The following EXPH5 variants were observed in gnomAD, a reference collection of about 807,000 sequenced individuals.
EXPH5 encodes the protein exophilin 5.
EXPH5 carries 42 observed loss-of-function variants against 41.1 expected under a neutral mutation model. The ratio of observed to expected loss-of-function variants is 1.02; its 90% CI spans 0.80 to 1.32. The LOEUF (loss-of-function observed/expected upper bound fraction) is 1.32, where lower values mean the gene tolerates loss of function less well. Ranked by LOEUF, EXPH5 falls within the 40% of genes most tolerant of loss-of-function variation. The probability of loss-of-function intolerance (pLI) is 0.00; values close to 1 mark genes in which losing one functional copy is unlikely to be tolerated. For synonymous variants in EXPH5, 798 were observed against 833.5 expected (o/e 0.96, Z 0.73); for missense variants, 2,298 against 2,314.5 (o/e 0.99, Z 0.15).
In EXPH5 at chr11:108,512,940, G is replaced by A. The variant is rs756396084; in HGVS notation, c.2567C>T (p.Thr856Ile). The A allele has an allele frequency of 1.2e-6, 2 of 1,613,048 alleles. No homozygotes were observed. Among genetic ancestry groups the A allele is most frequent in the Admixed American group, 3.3e-5 (2 of 59,910 alleles). The change falls in exon 6 of 6, where the codon ACT becomes ATT. Residue 856 changes from threonine to isoleucine, a missense_variant. Physicochemically the swap from Thr to Ile is moderately conservative, Grantham distance 89. Transcript: ENST00000265843. Reference sequence around the variant, plus strand: ...GCATTTTGAGTATTGTGCATTTTGAGTATCAGTCAGTGCAGAGCTCCAGTG... The same window carrying A: ...GCATTTTGAGTATTGTGCATTTTGAATATCAGTCAGTGCAGAGCTCCAGTG... ...NNHWSSALTD[T>I]QNAQYSKCKL... is the part of the protein sequence containing the mutation.
At chr11:108,530,562 C>T (rs918992996) in intron 3 of EXPH5, among the ~76,000 whole-genome samples, 1 of 152,174 alleles carries the variant, frequency 6.6e-6, no homozygotes, top group Admixed American at 6.5e-5. Context: ...GCAAGTAATC[C>T]AATATGCCTG....
At chr11:108,583,251 G>T (rs542515664) in intron 1 of EXPH5, among the ~76,000 whole-genome samples, 1 of 151,476 alleles carries the variant, frequency 6.6e-6, no homozygotes, top group Admixed American at 6.6e-5. Flanking sequence ...GCGTGGTGGC[G>T]GGCTCCTGTA....
At chr11:108,594,064 C>T (rs1280092241), upstream of EXPH5, among the ~76,000 whole-genome samples, 1 of 152,158 alleles carries the variant, frequency 6.6e-6, no homozygotes, top group Non-Finnish European at 1.5e-5. Context: ...ATGACTAATC[C>T]TCCCTTTCAA....
At chr11:108,520,557 T>TATTTATTC (rs1435548604) in intron 4 of EXPH5, among the ~76,000 whole-genome samples, 1 of 152,058 alleles carries the variant, frequency 6.6e-6, no homozygotes, top group African/African-American at 2.4e-5. Flanking sequence ...ATTATTGTTT[T>TATTTATTC]ATTTATTCAT....
chr11:108,562,561 A>G (rs1022608146), intron 1 of EXPH5, among the ~76,000 whole-genome samples: 4 of 152,166 alleles, frequency 2.6e-5, no homozygotes, highest in Non-Finnish European at 5.9e-5. Flanking sequence ...GTGAGCTGAG[A>G]TCGCACCACT....
Position 108,510,809 on chromosome 11 carries a change from T to C in EXPH5, c.4698A>G (p.Gln1566=). 1 of 1,614,166 alleles carries C rather than the reference T, an allele frequency of 6.2e-7. No individual in the cohort carries two copies. The highest frequency in any genetic ancestry group is 8.5e-7 in the Non-Finnish European group (1 of 1,180,020). ...TTTTGTTTCCTTCAGGAAGTGAAGG[T>C]TGATCCCAAGCTGACTTCTGCATTT... is the stretch of plus-strand genomic sequence containing the variant. ...EDEMQKSAWD[Q]PSLPEGNKNK... The change falls in exon 6 of 6, where the codon CAA becomes CAG. Residue 1566 remains glutamine (Q), a synonymous_variant. Coordinates refer to ENST00000265843, the MANE Select transcript of EXPH5 (RefSeq NM_015065.3).
chr11:108,572,196 A>G (rs1164780210), intron 1 of EXPH5, among the ~76,000 whole-genome samples: 2 of 152,220 alleles, frequency 1.3e-5, no homozygotes, highest in Admixed American at 1.3e-4. Context: ...AACCTACACC[A>G]AGTGCGCAGT....
chr11:108,533,200 C>T (rs534767998), intron 3 of EXPH5, among the ~76,000 whole-genome samples: 6 of 142,628 alleles, frequency 4.2e-5, no homozygotes, highest in Non-Finnish European at 7.5e-5. Flanking sequence ...TCTCATGAGT[C>T]TACATTCTAT....
At chr11:108,565,229 C>T (rs1472957535) in intron 1 of EXPH5, among the ~76,000 whole-genome samples, 2 of 152,102 alleles carry the variant, frequency 1.3e-5, no homozygotes, top group African/African-American at 4.8e-5. Context: ...AACTTATCTG[C>T]TCAATACCTT....
intron 1 of EXPH5, among the ~76,000 whole-genome samples, chr11:108,582,734 G>T (rs2094102239): frequency 6.6e-6 from 1 of 152,186 alleles, no homozygotes; most frequent in Non-Finnish European, 1.5e-5. Flanking sequence ...GCAGGGCCAT[G>T]CTCCCTCTGG....
At chr11:108,584,477 C>T (rs1349723213) in intron 1 of EXPH5, among the ~76,000 whole-genome samples, 1 of 131,924 alleles carries the variant, frequency 7.6e-6, no homozygotes, top group Non-Finnish European at 1.6e-5. Flanking sequence ...GACCCTGTCT[C>T]AAAAAAAAAA....
chr11:108,550,068 G>A (rs1460417837), intron 1 of EXPH5, among the ~76,000 whole-genome samples: 2 of 152,182 alleles, frequency 1.3e-5, no homozygotes, highest in Non-Finnish European at 2.9e-5. Context: ...GTAAGACTGA[G>A]CCAGGACAAC....
chr11:108,573,164 G>GAA (rs1203175626), intron 1 of EXPH5, among the ~76,000 whole-genome samples: 1 of 140,048 alleles, frequency 7.1e-6, no homozygotes, highest in African/African-American at 2.8e-5. Context: ...AAGAAAGAAA[G>GAA]AAAGAAAGAA....
Position 108,514,408 on chromosome 11 carries a change from G to A in EXPH5, c.1099C>T (p.Pro367Ser), listed in dbSNP as rs755283736. The change falls in exon 6 of 6, where the codon CCT becomes TCT. Residue 367 changes from proline (P) to serine (S), a missense_variant. Physicochemically the swap from Pro to Ser is moderately conservative, Grantham distance 74 (BLOSUM62 -1). Coordinates refer to ENST00000265843, the MANE Select transcript of EXPH5 (RefSeq NM_015065.3). ...CTGTTCCATATGATGGATGATAAAG[G>A]AGTTCTCTTTGGACTCTGCTGGTGC... is the stretch of plus-strand genomic sequence containing the variant. ...PRHQQSPKRTPLSSIIWNRSD... is the reference protein window; with the variant it reads ...PRHQQSPKRTSLSSIIWNRSD... 3.7e-6 allele frequency: 6 copies of A among 1,614,002 alleles called. No individual in the cohort carries two copies. Among genetic ancestry groups the A allele is most frequent in the Non-Finnish European group, 4.2e-6 (5 of 1,180,020 alleles).
At chr11:108,583,012 A>G (rs997765638) in intron 1 of EXPH5, among the ~76,000 whole-genome samples, 1 of 152,202 alleles carries the variant, frequency 6.6e-6, no homozygotes, top group Admixed American at 6.5e-5. Flanking sequence ...GGACTCTAAC[A>G]TAGCTTTTTT....
At chr11:108,579,460 A>G (rs1343463883) in intron 1 of EXPH5, among the ~76,000 whole-genome samples, 2 of 151,658 alleles carry the variant, frequency 1.3e-5, no homozygotes, top group African/African-American at 4.8e-5. Context: ...TTATTGGCTT[A>G]TAGTTTTCTT....
At chr11:108,550,477 G>A (rs549024825) in intron 1 of EXPH5, among the ~76,000 whole-genome samples, 2 of 152,258 alleles carry the variant, frequency 1.3e-5, no homozygotes, top group South Asian at 4.1e-4. Flanking sequence ...GTAGTTTTAA[G>A]CCTTTAAATT....
intron 1 of EXPH5, among the ~76,000 whole-genome samples, chr11:108,591,434 G>T (rs1001110134): frequency 1.4e-4 from 21 of 152,186 alleles, no homozygotes; most frequent in Non-Finnish European, 7.3e-5. Flanking sequence ...ATTTGATAGT[G>T]GAAGTGGGGA....
At chr11:108,580,594 A>G (rs934271875) in intron 1 of EXPH5, among the ~76,000 whole-genome samples, 1 of 152,222 alleles carries the variant, frequency 6.6e-6, no homozygotes, top group African/African-American at 2.4e-5. Flanking sequence ...TATTAAAGAG[A>G]TAGCTATACT....
Sources: gnomAD v4.1 joint callset for allele counts (sites outside exome capture counted in the v4.1 genomes callset) on GRCh38, gnomAD v4.1.1 for gene constraint, MANE v1.5 for transcripts, NCBI Gene and HGNC (gene_info 2026-07-23, HGNC 2026-07-21) for gene names.